Variants in MCTP1 observed in about 807,000 individuals in gnomAD.
MCTP1 encodes the protein multiple C2 and transmembrane domain-containing protein 1.
MCTP1 carries 69 observed loss-of-function variants against 120.6 expected under a neutral mutation model. The ratio of observed to expected loss-of-function variants is 0.57; its 90% CI spans 0.47 to 0.70. The LOEUF (loss-of-function observed/expected upper bound fraction) is 0.70. Among genes scored for constraint, MCTP1 ranks in the 30% least tolerant of loss-of-function variants. MCTP1 has a pLI of 0.00. For missense variants in MCTP1, 1,203 were observed against 1,248.8 expected (o/e 0.96, Z 0.55); for synonymous variants, 529 against 493.1 (o/e 1.07, Z -0.96).
chr5:94,752,090 C>T (rs1467553599), intron 19 of MCTP1, among the ~76,000 whole-genome samples: 2 of 105,680 alleles, frequency 1.9e-5, no homozygotes, highest in East Asian at 5.3e-4. Context: ...CACATGTACC[C>T]TAAAACTTAA....
intron 1 of MCTP1, among the ~76,000 whole-genome samples, chr5:95,096,184 A>C (rs1157969362): frequency 6.6e-6 from 1 of 152,220 alleles, no homozygotes; most frequent in Admixed American, 6.5e-5. Context: ...CAATATATCC[A>C]CTGTGGAGAC....
rs34561115 is a variant in MCTP1, at chr5:94,982,884, C to CAAAAAA, written c.839-29529_839-29524dup. ...ACCTGGGGGACAGAGCACACTTCAT[C>CAAAAAA]AAAAAAAAAAAAAAAAAAAAAAAAA... On this transcript the variant is annotated intron_variant, in intron 2 of 22. Transcript: ENST00000515393. Among the ~76,000 whole-genome samples the CAAAAAA allele has an allele frequency of 1.6e-3, 46 of 28,622 alleles. 2 individuals carry two copies. Among genetic ancestry groups the CAAAAAA allele is most frequent in the South Asian group, 4.6e-3 (2 of 432 alleles). The allele number at this position is 28,622 out of a possible 152,430, so 18.8% of individuals were successfully genotyped here.
intron 2 of MCTP1, chr5:94,979,496 G>A (rs779362544): frequency 4.6e-5 from 7 of 152,138 alleles, no homozygotes; most frequent in Non-Finnish European, 8.8e-5. Flanking sequence ...CAGAGGTAGA[G>A]TATAGCCAAG....
At chr5:94,728,919 A>G (rs950797009) in intron 19 of MCTP1, among the ~76,000 whole-genome samples, 1 of 152,156 alleles carries the variant, frequency 6.6e-6, no homozygotes, top group African/African-American at 2.4e-5. Context: ...TTGAACACCA[A>G]CTACATATCA....
At chr5:95,189,260 GA>G (rs554543479) in intron 1 of MCTP1, among the ~76,000 whole-genome samples, 2 of 152,052 alleles carry the variant, frequency 1.3e-5, no homozygotes, top group Non-Finnish European at 2.9e-5. Flanking sequence ...CAATGGTGAT[GA>G]AAAAAATTAA....
At chr5:95,088,004 C>T (rs1210880228) in intron 1 of MCTP1, among the ~76,000 whole-genome samples, 3 of 152,178 alleles carry the variant, frequency 2.0e-5, no homozygotes, top group East Asian at 1.9e-4. Flanking sequence ...GAGCAAAATG[C>T]GCTGGGTGGG....
chr5:94,873,334 T>G, intron 12 of MCTP1, 93 bp from the exon 13 acceptor site: 1 of 655,236 alleles, frequency 1.5e-6, no homozygotes, highest in Non-Finnish European at 2.6e-6. Flanking sequence ...GCAAAAAGTT[T>G]TATAGTAAAC....
intron 3 of MCTP1, among the ~76,000 whole-genome samples, chr5:94,946,427 A>T (rs966717883): frequency 2.0e-5 from 3 of 152,212 alleles, no homozygotes; most frequent in Non-Finnish European, 2.9e-5. Flanking sequence ...TGGTGAAGTC[A>T]GTGTCCATGG....
chr5:94,868,094 TG>T (rs1022754263), intron 17 of MCTP1: 67 of 328,400 alleles, frequency 2.0e-4, no homozygotes, highest in Middle Eastern at 8.1e-4. Context: ...ACAGAGAAAA[TG>T]ATACATTGGC....
In MCTP1 at chr5:94,919,150, G is replaced by A. The variant is rs138451294; in HGVS notation, c.1273-1177C>T. Among the ~76,000 whole-genome samples, 775 of 152,330 alleles carry A rather than the reference G, an allele frequency of 5.1e-3. 5 individuals are homozygous for A. The highest frequency in any genetic ancestry group is 0.027 in the Middle Eastern group (8 of 294). On this transcript the variant is annotated intron_variant, in intron 7 of 22. Transcript: ENST00000515393. ...CTAATCGAGGGATTAGAGGAAGTAA[G>A]AGTAGGCGGGTGGTAATAACCCTAG...
intron 2 of MCTP1, among the ~76,000 whole-genome samples, chr5:95,010,126 C>T (rs1464418843): frequency 6.6e-6 from 1 of 152,130 alleles, no homozygotes; most frequent in Non-Finnish European, 1.5e-5. Context: ...GTTCAATTTT[C>T]ATTAATTCTA....
At chr5:94,744,750 A>G (rs957076858) in intron 19 of MCTP1, among the ~76,000 whole-genome samples, 2 of 152,066 alleles carry the variant, frequency 1.3e-5, no homozygotes, top group Non-Finnish European at 2.9e-5. Flanking sequence ...ACCTCAGGTG[A>G]TCCGCCCGTC....
rs573572302 is a variant in MCTP1, at chr5:94,895,894, A to G, written c.1653-1059T>C. ...AGACACGAATGGGAGGAAGAGGAAT[A>G]TTGATGTAAGAAAGGAAAACAATAA... On this transcript the variant is annotated intron_variant, in intron 10 of 22. Coordinates refer to ENST00000515393, the MANE Select transcript of MCTP1 (RefSeq NM_024717.7). 2.0e-5 allele frequency among the ~76,000 whole-genome samples: 3 copies of G among 152,330 alleles called. No homozygotes were observed. The East Asian group carries it at 5.8e-4, about 29-fold the overall frequency.
intron 1 of MCTP1, among the ~76,000 whole-genome samples, chr5:95,040,485 G>C (rs1041362523): frequency 2.6e-5 from 4 of 151,536 alleles, no homozygotes; most frequent in African/African-American, 9.7e-5. Context: ...AGATTTTTTG[G>C]GCTAAGTGCT....
At chr5:94,801,026 TATAAAG>T (rs1781115490) in intron 17 of MCTP1, among the ~76,000 whole-genome samples, 1 of 152,076 alleles carries the variant, frequency 6.6e-6, no homozygotes, top group Non-Finnish European at 1.5e-5. Flanking sequence ...AAATATATTT[TATAAAG>T]ATAATTATTT....
intron 2 of MCTP1, among the ~76,000 whole-genome samples, chr5:95,008,111 CCAAGGTAGCCATTGAA>C (rs1458542911): frequency 1.3e-5 from 2 of 152,250 alleles, no homozygotes; most frequent in Admixed American, 6.5e-5. Context: ...CTAGTTAGAA[CCAAGGTAGCCATTGAA>C]CAACTTCAAA....
intron 1 of MCTP1, among the ~76,000 whole-genome samples, chr5:95,260,513 G>A (rs746660852): frequency 7.9e-5 from 12 of 151,966 alleles, no homozygotes; most frequent in Non-Finnish European, 1.2e-4. Context: ...ATGAGTGGCC[G>A]ACTCTGGAGC....
chr5:95,174,929 C>T (rs186622729), intron 1 of MCTP1, among the ~76,000 whole-genome samples: 1 of 152,182 alleles, frequency 6.6e-6, no homozygotes, highest in African/African-American at 2.4e-5. Flanking sequence ...TTTTTGTATT[C>T]TCTTTTTTTT....
chr5:94,886,076 T>C (rs1435792278), intron 12 of MCTP1, among the ~76,000 whole-genome samples: 1 of 152,068 alleles, frequency 6.6e-6, no homozygotes, highest in Non-Finnish European at 1.5e-5. Flanking sequence ...CTATCAACAG[T>C]TTATTAGGGG....
Sources: gnomAD v4.1 joint callset for allele counts (sites outside exome capture counted in the v4.1 genomes callset) on GRCh38, gnomAD v4.1.1 for gene constraint, MANE v1.5 for transcripts, NCBI Gene and HGNC (gene_info 2026-07-23, HGNC 2026-07-21) for gene names.